NLGN1: variants seen among roughly 807,000 people sequenced by gnomAD.
The protein encoded by NLGN1 is neuroligin-1.
In NLGN1, 12 loss-of-function variants were observed where a neutral mutation model predicts 65.5. The observed-to-expected ratio is 0.18, with a 90% confidence interval of 0.12 to 0.30. The LOEUF is 0.30. Among genes scored for constraint, NLGN1 ranks in the 10% least tolerant of loss-of-function variants. NLGN1 has a pLI of 1.00. For missense variants in NLGN1, 750 were observed against 1,007.1 expected (o/e 0.74, Z 3.46); for synonymous variants, 350 against 359.5 (o/e 0.97, Z 0.30).
intron 2 of NLGN1, among the ~76,000 whole-genome samples, chr3:173,442,451 T>C (rs1435632699): frequency 6.6e-6 from 1 of 152,174 alleles, no homozygotes; most frequent in Non-Finnish European, 1.5e-5. Flanking sequence ...CAGCCAAAAA[T>C]AATGTGTAAC....
chr3:173,486,304 C>T (rs550852633), intron 2 of NLGN1, among the ~76,000 whole-genome samples: 1 of 152,152 alleles, frequency 6.6e-6, no homozygotes, highest in African/African-American at 2.4e-5. Context: ...TCAAGGGATC[C>T]GCCTGCCTCG....
chr3:173,739,301 C>T (rs981131356), intron 3 of NLGN1, among the ~76,000 whole-genome samples: 3 of 151,934 alleles, frequency 2.0e-5, no homozygotes, highest in African/African-American at 4.8e-5. Context: ...AGAACCTCCA[C>T]AATATTTTGA....
chr3:173,603,969 A>C (rs1750974262), intron 2 of NLGN1, among the ~76,000 whole-genome samples: 1 of 152,142 alleles, frequency 6.6e-6, no homozygotes. Flanking sequence ...ACTATTAATA[A>C]AGTATAAATT....
intron 4 of NLGN1, among the ~76,000 whole-genome samples, chr3:174,186,901 T>C (rs979129719): frequency 6.6e-6 from 1 of 151,930 alleles, no homozygotes; most frequent in South Asian, 2.1e-4. Flanking sequence ...AGTACAATTA[T>C]CCCTCCATAT....
At position 173,569,215 on chromosome 3, in the gene NLGN1, T is replaced by C. The variant is rs77691214; in HGVS notation, c.-320-35064T>C. 0.01 allele frequency among the ~76,000 whole-genome samples: 1,565 copies of C among 152,262 alleles called. 93 individuals carry two copies. In the East Asian group the frequency reaches 0.18, roughly 17 times the overall value. On this transcript the variant is annotated intron_variant, in intron 2 of 6. Coordinates refer to ENST00000457714, the Ensembl canonical transcript of NLGN1. ...TTAATAAAATTATTATATTTAGTTT[T>C]TCTTGAAACCAGCAGAAGTAAAATA... is the stretch of plus-strand genomic sequence containing the variant.
intron 4 of NLGN1, among the ~76,000 whole-genome samples, chr3:173,986,548 T>C (rs1007745235): frequency 2.0e-5 from 3 of 151,856 alleles, no homozygotes; most frequent in African/African-American, 7.3e-5. Flanking sequence ...CAAGGGAAGA[T>C]AATATAAAGA....
At chr3:173,838,086 A>T (rs1724006057) in intron 4 of NLGN1, among the ~76,000 whole-genome samples, 1 of 152,214 alleles carries the variant, frequency 6.6e-6, no homozygotes, top group South Asian at 2.1e-4. Context: ...GATTGAGTGT[A>T]GAATGAGATT....
chr3:174,007,148 G>A (rs536092923), intron 4 of NLGN1, among the ~76,000 whole-genome samples: 94 of 152,178 alleles, frequency 6.2e-4, no homozygotes, highest in African/African-American at 2.1e-3. Context: ...AAGACCATGC[G>A]GAGCACAGTA....
chr3:174,255,636 TC>T (rs1450745692), intron 4 of NLGN1, among the ~76,000 whole-genome samples: 2,478 of 108,256 alleles, frequency 0.023, 47 homozygotes, highest in African/African-American at 0.059. Context: ...TTTCTTTTCT[TC>T]TATTTATTTA....
chr3:174,250,673 G>C (rs1003698394), intron 4 of NLGN1, among the ~76,000 whole-genome samples: 13 of 152,102 alleles, frequency 8.5e-5, no homozygotes, highest in Admixed American at 8.5e-4. Context: ...GTGAAGCAGA[G>C]TTGGTGCTGG....
intron 3 of NLGN1, among the ~76,000 whole-genome samples, chr3:173,737,835 A>G (rs942508255): frequency 5.9e-5 from 9 of 152,002 alleles, no homozygotes; most frequent in Non-Finnish European, 8.8e-5. Context: ...CCAACAGACT[A>G]TTTTCCAAAG....
chr3:173,928,209 C>T (rs188397108), intron 4 of NLGN1, among the ~76,000 whole-genome samples: 9 of 152,260 alleles, frequency 5.9e-5, no homozygotes, highest in Non-Finnish European at 1.0e-4. Flanking sequence ...AACCCAGACT[C>T]GGAAAATTAA....
intron 4 of NLGN1, among the ~76,000 whole-genome samples, chr3:173,864,482 G>A (rs1027685407): frequency 4.6e-5 from 7 of 152,006 alleles, no homozygotes; most frequent in African/African-American, 1.7e-4. Context: ...ATCATAAGTG[G>A]GATCATTTAG....
chr3:173,452,606 C>A (rs539123595), intron 2 of NLGN1, among the ~76,000 whole-genome samples: 6 of 152,142 alleles, frequency 3.9e-5, no homozygotes, highest in Admixed American at 1.3e-4. Flanking sequence ...TATGAACAGG[C>A]CTGTTTTCCT....
intron 2 of NLGN1, among the ~76,000 whole-genome samples, chr3:173,567,913 A>T (rs1201600877): frequency 1.3e-5 from 2 of 152,108 alleles, no homozygotes; most frequent in East Asian, 3.8e-4. Flanking sequence ...GATAAATTAA[A>T]CTATTAACAG....
At chr3:173,763,742 T>C (rs1640354278) in intron 3 of NLGN1, among the ~76,000 whole-genome samples, 1 of 151,106 alleles carries the variant, frequency 6.6e-6, no homozygotes, top group South Asian at 2.1e-4. Flanking sequence ...AGAAAAATAT[T>C]GAAAAGGGAA....
At chr3:173,725,788 C>A (rs992994843) in intron 3 of NLGN1, among the ~76,000 whole-genome samples, 1 of 152,084 alleles carries the variant, frequency 6.6e-6, no homozygotes, top group African/African-American at 2.4e-5. Context: ...GGGAAAGATC[C>A]ACTTCAAACT....
At chr3:173,978,489 C>A (rs1718022533) in intron 4 of NLGN1, among the ~76,000 whole-genome samples, 1 of 151,812 alleles carries the variant, frequency 6.6e-6, no homozygotes, top group Admixed American at 6.6e-5. Flanking sequence ...ATGGAAGTAC[C>A]TATGAAAACA....
At chr3:173,846,206 T>C (rs1329625970) in intron 4 of NLGN1, among the ~76,000 whole-genome samples, 1 of 152,206 alleles carries the variant, frequency 6.6e-6, no homozygotes, top group East Asian at 1.9e-4. Context: ...TGAACCATCT[T>C]TTCTAAATTC....
Sources: allele counts gnomAD v4.1 joint callset (sites outside exome capture counted in the v4.1 genomes callset), GRCh38; gene constraint gnomAD v4.1.1; transcripts MANE v1.5; gene names NCBI Gene and HGNC (gene_info 2026-07-23, HGNC 2026-07-21).